The following KCNQ5 variants were observed in gnomAD, a reference collection of about 807,000 sequenced individuals.
KCNQ5 encodes the protein potassium voltage-gated channel subfamily Q member 5, also known as potassium voltage-gated channel subfamily KQT member 5.
In KCNQ5, 30 loss-of-function variants were observed where a neutral mutation model predicts 98.2. The ratio of observed to expected loss-of-function variants is 0.31; its 90% CI spans 0.23 to 0.41. The LOEUF is 0.41. KCNQ5 is among the 10% of genes least tolerant of loss of function. The pLI, the probability that KCNQ5 is intolerant of heterozygous loss-of-function variation, is 1.00. For missense variants in KCNQ5, 835 were observed against 1,182.5 expected (o/e 0.71, Z 4.31); for synonymous variants, 458 against 449.4 (o/e 1.02, Z -0.24).
chr6:72,727,344 T>G (rs1770336391), intron 1 of KCNQ5, among the ~76,000 whole-genome samples: 1 of 152,372 alleles, frequency 6.6e-6, no homozygotes, highest in African/African-American at 2.4e-5. Flanking sequence ...ATCTCTGAAG[T>G]ATGATTCCCA....
At chr6:72,830,956 T>C (rs923615695) in intron 1 of KCNQ5, among the ~76,000 whole-genome samples, 1 of 152,212 alleles carries the variant, frequency 6.6e-6, no homozygotes, top group Non-Finnish European at 1.5e-5. Flanking sequence ...AAGACATTTA[T>C]GCAGCCAACA....
intron 3 of KCNQ5, among the ~76,000 whole-genome samples, chr6:73,075,225 CTTT>C (rs60204032): frequency 3.2e-4 from 42 of 131,524 alleles, no homozygotes; most frequent in African/African-American, 2.5e-4. Context: ...TATAGTCTCA[CTTT>C]TTTTTTTTTT....
intron 10 of KCNQ5, among the ~76,000 whole-genome samples, chr6:73,160,206 C>T (rs1006336016): frequency 3.7e-4 from 56 of 151,832 alleles, no homozygotes; most frequent in African/African-American, 1.3e-3. Context: ...TTAGTAGAGA[C>T]GGGGTTTCAC....
At chr6:72,980,183 C>A (rs1768367746) in intron 1 of KCNQ5, among the ~76,000 whole-genome samples, 1 of 152,052 alleles carries the variant, frequency 6.6e-6, no homozygotes, top group East Asian at 1.9e-4. Flanking sequence ...TCCATATGAA[C>A]TTTAAAGTAG....
chr6:72,814,620 T>TTCTTTG (rs1775410960), intron 1 of KCNQ5, among the ~76,000 whole-genome samples: 1 of 152,202 alleles, frequency 6.6e-6, no homozygotes, highest in Non-Finnish European at 1.5e-5. Context: ...ATGCTCTTTG[T>TTCTTTG]TTCTGTGTCA....
chr6:73,115,805 A>G (rs1457811530), intron 7 of KCNQ5, among the ~76,000 whole-genome samples: 1 of 152,206 alleles, frequency 6.6e-6, no homozygotes, highest in African/African-American at 2.4e-5. Flanking sequence ...GGATAAGCCA[A>G]GAGAGAAAGA....
chr6:73,071,040 A>G (rs1773280251), intron 3 of KCNQ5, among the ~76,000 whole-genome samples: 2 of 152,174 alleles, frequency 1.3e-5, no homozygotes. Flanking sequence ...TAAAAATGAC[A>G]TGAAATCCAG....
chr6:72,705,234 G>A (rs1229835484), intron 1 of KCNQ5, among the ~76,000 whole-genome samples: 1 of 152,146 alleles, frequency 6.6e-6, no homozygotes, highest in East Asian at 1.9e-4. Flanking sequence ...GTCTAGTTGT[G>A]AGAACTGATA....
At chr6:72,806,825 G>C (rs566677430) in intron 1 of KCNQ5, 5 of 448,694 alleles carry the variant, frequency 1.1e-5, no homozygotes, top group African/African-American at 1.0e-4. Context: ...AGCTCATTAA[G>C]CCTTCCTTTC....
In KCNQ5 at chr6:73,197,507, A is replaced by G. The variant is rs1410080849; in HGVS notation, c.*2093A>G. 1 of 151,836 alleles carries G rather than the reference A, an allele frequency of 6.6e-6. No homozygotes were observed. Among genetic ancestry groups the G allele is most frequent in the Non-Finnish European group, 1.5e-5 (1 of 67,968 alleles). 9.4% of individuals were successfully genotyped at this position (151,836 alleles called of 1,614,324 possible). On this transcript the variant is annotated 3_prime_UTR_variant, in exon 14 of 14. Coordinates refer to ENST00000370398, the MANE Select transcript of KCNQ5 (RefSeq NM_019842.4). ...TTTCATTTTCAAAATACAGAATGTTAGTAAATTATGAAAATCAATTTTTCA... is the reference window on the plus strand; with the variant it reads ...TTTCATTTTCAAAATACAGAATGTTGGTAAATTATGAAAATCAATTTTTCA...
chr6:72,793,136 T>C (rs909901040), intron 1 of KCNQ5, among the ~76,000 whole-genome samples: 1 of 152,252 alleles, frequency 6.6e-6, no homozygotes, highest in African/African-American at 2.4e-5. Flanking sequence ...GACAGTTATG[T>C]AGGTAAAAAG....
chr6:73,001,012 G>T (rs1432488113), intron 1 of KCNQ5, among the ~76,000 whole-genome samples: 1 of 152,198 alleles, frequency 6.6e-6, no homozygotes, highest in East Asian at 1.9e-4. Context: ...AAGGCAAATA[G>T]TTTGCCTCAT....
chr6:72,652,167 C>T (rs913973642), intron 1 of KCNQ5, among the ~76,000 whole-genome samples: 16 of 150,298 alleles, frequency 1.1e-4, no homozygotes, highest in South Asian at 2.1e-4. Flanking sequence ...AAATATTCTC[C>T]GGGACATTGA....
intron 10 of KCNQ5, among the ~76,000 whole-genome samples, chr6:73,149,822 GA>G (rs1170416910): frequency 7.0e-4 from 104 of 148,002 alleles, no homozygotes; most frequent in Middle Eastern, 3.4e-3. Context: ...GAGAGAGAGA[GA>G]GAGGGAGGGA....
intron 1 of KCNQ5, among the ~76,000 whole-genome samples, chr6:72,985,541 C>T (rs1768727456): frequency 1.3e-5 from 2 of 152,154 alleles, no homozygotes; most frequent in African/African-American, 2.4e-5. Flanking sequence ...AAATCCTAAC[C>T]TCTTCCTAAT....
intron 2 of KCNQ5, among the ~76,000 whole-genome samples, chr6:73,019,656 C>A (rs1462771018): frequency 6.6e-6 from 1 of 152,098 alleles, no homozygotes; most frequent in Non-Finnish European, 1.5e-5. Context: ...CTTTACAAAC[C>A]TATTTATCAA....
At chr6:72,682,322 T>G (rs1767750017) in intron 1 of KCNQ5, among the ~76,000 whole-genome samples, 1 of 152,206 alleles carries the variant, frequency 6.6e-6, no homozygotes, top group Non-Finnish European at 1.5e-5. Context: ...TGATTAACAC[T>G]CCCTGCCTGA....
intron 1 of KCNQ5, among the ~76,000 whole-genome samples, chr6:72,680,351 A>G (rs1373637807): frequency 6.6e-6 from 1 of 152,206 alleles, no homozygotes; most frequent in African/African-American, 2.4e-5. Flanking sequence ...TGTAGCATGT[A>G]TGAATATTTC....
At chr6:72,725,472 A>C (rs991587219) in intron 1 of KCNQ5, among the ~76,000 whole-genome samples, 3 of 152,192 alleles carry the variant, frequency 2.0e-5, no homozygotes, top group Non-Finnish European at 2.9e-5. Context: ...TTAAAGGTTG[A>C]ACTCACAGAA....
Sources: allele counts gnomAD v4.1 joint callset (sites outside exome capture counted in the v4.1 genomes callset), GRCh38; gene constraint gnomAD v4.1.1; transcripts MANE v1.5; gene names NCBI Gene and HGNC (gene_info 2026-07-23, HGNC 2026-07-21).